The following ADAM12 variants were observed in gnomAD, a reference collection of about 807,000 sequenced individuals.
The protein encoded by ADAM12 is ADAM metallopeptidase domain 12, also known as disintegrin and metalloproteinase domain-containing protein 12.
ADAM12 carries 70 observed loss-of-function variants against 106.4 expected under a neutral mutation model. The observed-to-expected ratio is 0.66, with a 90% CI of 0.54 to 0.80. The LOEUF (loss-of-function observed/expected upper bound fraction) is 0.80, where lower values mean the gene tolerates loss of function less well. Ranked by LOEUF, ADAM12 falls within the 30% of genes least tolerant of loss-of-function variation. ADAM12 has a pLI of 0.00. For synonymous variants in ADAM12, 420 were observed against 433.5 expected, an observed-to-expected ratio of 0.97 and a Z score of 0.39; for missense variants, 1,010 against 1,171.9, an observed-to-expected ratio of 0.86 and a Z score of 2.02.
intron 2 of ADAM12, among the ~76,000 whole-genome samples, chr10:126,323,505 T>C (rs1400347241): frequency 6.6e-6 from 1 of 152,032 alleles, no homozygotes; most frequent in Non-Finnish European, 1.5e-5. Flanking sequence ...ATCTAAAAAG[T>C]TGTGGTAGTC....
intron 12 of ADAM12, among the ~76,000 whole-genome samples, chr10:126,070,164 G>T (rs886711510): frequency 2.6e-5 from 4 of 152,116 alleles, no homozygotes; most frequent in Non-Finnish European, 5.9e-5. Context: ...AACCCATGAT[G>T]GTTTTAAGTT....
In ADAM12 at chr10:126,039,617, T is replaced by C. The variant is rs191708892; in HGVS notation, c.2105-188A>G. On this transcript the variant is annotated intron_variant, in intron 18 of 22. Coordinates refer to ENST00000448723, the MANE Select transcript of ADAM12 (RefSeq NM_001288973.2). ...GTTTGAGGTTCAATCTATGTTACCA[T>C]CATTCATTTCTGACAACTCTAGAAC... is the stretch of plus-strand genomic sequence containing the variant. Among the ~76,000 whole-genome samples, 3 of 152,368 alleles carry C rather than the reference T, an allele frequency of 2.0e-5. No homozygotes were observed. In the East Asian group the frequency reaches 5.8e-4, roughly 29 times the overall value.
chr10:126,117,189 T>A (rs2133618984), intron 6 of ADAM12, among the ~76,000 whole-genome samples: 1 of 152,302 alleles, frequency 6.6e-6, no homozygotes, highest in South Asian at 2.1e-4. Context: ...TTGCCTTTAA[T>A]CCTTATTAAA....
At chr10:126,167,885 T>C (rs764458336) in intron 3 of ADAM12, among the ~76,000 whole-genome samples, 2 of 152,144 alleles carry the variant, frequency 1.3e-5, no homozygotes, top group East Asian at 1.9e-4. Context: ...TTTATAGATA[T>C]AGGAATTGAG....
At chr10:126,365,086 A>C (rs3858322) in intron 1 of ADAM12, among the ~76,000 whole-genome samples, 1 of 152,142 alleles carries the variant, frequency 6.6e-6, no homozygotes, top group Non-Finnish European at 1.5e-5. Flanking sequence ...TGGGCAAGAT[A>C]CTACATTGTT....
intron 1 of ADAM12, among the ~76,000 whole-genome samples, chr10:126,375,994 C>A (rs1856278802): frequency 6.6e-6 from 1 of 151,132 alleles, no homozygotes; most frequent in Non-Finnish European, 1.5e-5. Context: ...CCCCTCCCCA[C>A]CCCCCAGCCT....
At chr10:126,245,314 T>A (rs1273422520) in intron 3 of ADAM12, among the ~76,000 whole-genome samples, 1 of 151,970 alleles carries the variant, frequency 6.6e-6, no homozygotes, top group Admixed American at 6.5e-5. Flanking sequence ...GAAGGACACA[T>A]CCCCCAGAGA....
At chr10:126,159,007 T>C (rs556669397) in intron 3 of ADAM12, among the ~76,000 whole-genome samples, 4 of 152,068 alleles carry the variant, frequency 2.6e-5, no homozygotes, top group Non-Finnish European at 4.4e-5. Flanking sequence ...GTGGCCTCAA[T>C]AGTCTTAAAA....
At chr10:126,170,280 G>A (rs1055085032) in intron 3 of ADAM12, among the ~76,000 whole-genome samples, 1 of 152,144 alleles carries the variant, frequency 6.6e-6, no homozygotes, top group Non-Finnish European at 1.5e-5. Context: ...ATCGTGGCCA[G>A]GAGACAGACA....
rs536712081 is a variant in ADAM12 at position 126,053,862 on chromosome 10, C to T, written c.1610-4193G>A. Reference sequence around the variant, plus strand: ...CTGGAATTACAGGTGCCCACCACCACGACTGGCTAATATTTTGTATTTTTA... The same window carrying T: ...CTGGAATTACAGGTGCCCACCACCATGACTGGCTAATATTTTGTATTTTTA... On this transcript the variant is annotated intron_variant, in intron 14 of 22. Transcript: ENST00000448723. The surrounding 1 kb of genome is among the most constrained non-coding windows in gnomAD (Gnocchi z 4.6). Among the ~76,000 whole-genome samples, 4 of 152,174 alleles carry T rather than the reference C, an allele frequency of 2.6e-5. No individual in the cohort carries two copies. Among genetic ancestry groups the T allele is most frequent in the African/African-American group, 7.2e-5 (3 of 41,528 alleles).
chr10:126,217,844 A>C (rs982903131), intron 3 of ADAM12, among the ~76,000 whole-genome samples: 1 of 151,638 alleles, frequency 6.6e-6, no homozygotes, highest in African/African-American at 2.4e-5. Context: ...GCGTGGTGGC[A>C]CAGGCCTGTA....
At chr10:126,024,470 A>G (rs928587844) in intron 21 of ADAM12, among the ~76,000 whole-genome samples, 1 of 152,220 alleles carries the variant, frequency 6.6e-6, no homozygotes, top group Non-Finnish European at 1.5e-5. Context: ...GAGAATATAT[A>G]GACTATTTAA....
chr10:126,189,243 C>T (rs1229185284), intron 3 of ADAM12, among the ~76,000 whole-genome samples: 2 of 152,114 alleles, frequency 1.3e-5, no homozygotes, highest in Non-Finnish European at 2.9e-5. Context: ...GGTGTTTAGA[C>T]AGTGGGAACA....
chr10:126,068,253 C>T (rs1954914129), intron 12 of ADAM12, among the ~76,000 whole-genome samples: 1 of 152,102 alleles, frequency 6.6e-6, no homozygotes, highest in African/African-American at 2.4e-5. Context: ...AAATGCACAC[C>T]ACTGCTATCC....
At chr10:126,231,767 G>A (rs567357399) in intron 3 of ADAM12, among the ~76,000 whole-genome samples, 21 of 152,276 alleles carry the variant, frequency 1.4e-4, no homozygotes, top group African/African-American at 3.4e-4. Flanking sequence ...CTCTGTTGGC[G>A]CCTCCTCCTC....
intron 14 of ADAM12, among the ~76,000 whole-genome samples, chr10:126,062,615 A>G (rs1278275): frequency 0.12 from 18,748 of 152,164 alleles, 1,235 homozygotes; most frequent in Middle Eastern, 0.28. Context: ...GTCACCATGA[A>G]TCAGAGGCAC....
intron 11 of ADAM12, among the ~76,000 whole-genome samples, chr10:126,089,538 T>C (rs867867): frequency 0.46 from 70,540 of 152,110 alleles, 19,925 homozygotes; most frequent in African/African-American, 0.77. Context: ...AGAGGCTGCA[T>C]GGTCTTCTTA....
At position 126,033,710 on chromosome 10, in the gene ADAM12, A is replaced by G. The variant is rs1289473838; in HGVS notation, c.2529+2436T>C. Reference sequence around the variant, plus strand: ...GACTGGCAGATCTCTACTTTCTATCACTTCTTGCAATAACATGCCACATCC... The same window carrying G: ...GACTGGCAGATCTCTACTTTCTATCGCTTCTTGCAATAACATGCCACATCC... On this transcript the variant is annotated intron_variant, in intron 21 of 22. Coordinates refer to ENST00000448723, the MANE Select transcript of ADAM12 (RefSeq NM_001288973.2). 4.4e-5 allele frequency among the ~76,000 whole-genome samples: 4 copies of G among 91,320 alleles called. No homozygotes were observed. In the East Asian group the frequency reaches 1.7e-3, roughly 39 times the overall value. 59.9% of individuals were successfully genotyped at this position (91,320 alleles called of 152,430 possible).
chr10:126,386,728 G>A (rs1434165761), intron 1 of ADAM12, among the ~76,000 whole-genome samples: 1 of 152,066 alleles, frequency 6.6e-6, no homozygotes, highest in Non-Finnish European at 1.5e-5. Flanking sequence ...TACAAAGCAC[G>A]TGCCAAGTTA....
Sources: allele counts gnomAD v4.1 joint callset (sites outside exome capture counted in the v4.1 genomes callset), GRCh38; gene constraint gnomAD v4.1.1; non-coding constraint Gnocchi (gnomAD v3.1); transcripts MANE v1.5; gene names NCBI Gene and HGNC (gene_info 2026-07-23, HGNC 2026-07-21).